The following SPIRE2 variants were observed in gnomAD, a reference collection of about 807,000 sequenced individuals.
SPIRE2 encodes the protein protein spire homolog 2.
SPIRE2 carries 76 observed loss-of-function variants against 80.7 expected under a neutral mutation model. The ratio of observed to expected loss-of-function variants is 0.94; its 90% CI spans 0.78 to 1.14. The LOEUF is 1.14. Among genes scored for constraint, SPIRE2 ranks in the 50% most tolerant of loss-of-function variants. The pLI is 0.00. For synonymous variants in SPIRE2, 535 were observed against 432.6 expected (o/e 1.24, Z -2.94); for missense variants, 1,196 against 1,015.3 (o/e 1.18, Z -2.42).
At chr16:89,855,993 T>C in intron 6 of SPIRE2, 120 bp from the exon 7 acceptor site, 1 of 1,487,754 alleles carries the variant, frequency 6.7e-7, no homozygotes, top group Non-Finnish European at 9.0e-7. Context: ...CTCTTCCGAC[T>C]CCAGAGTGGG....
At chr16:89,861,660 T>A (rs1251183099) in intron 10 of SPIRE2, among the ~76,000 whole-genome samples, 1 of 152,224 alleles carries the variant, frequency 6.6e-6, no homozygotes, top group East Asian at 1.9e-4. Flanking sequence ...TGTGTGGCCA[T>A]GGCTCAGGGT....
chr16:89,840,209 C>T (rs959318948), intron 1 of SPIRE2, among the ~76,000 whole-genome samples: 3 of 151,970 alleles, frequency 2.0e-5, no homozygotes, highest in Admixed American at 6.6e-5. Context: ...CAGCAAATGT[C>T]CCACAGACAT....
Position 89,854,642 on chromosome 16 carries a change from C to A in SPIRE2, c.882C>A (p.Arg294=). The change falls in exon 5 of 15, where the codon CGC becomes CGA. Residue 294 remains arginine (R), a synonymous_variant. Coordinates refer to ENST00000378247, the MANE Select transcript of SPIRE2 (RefSeq NM_032451.2). The part of the protein sequence containing the change: ...QDIRARNYKL[R]KVMVDGDIPP... ...TCCGGGCCCGGAACTACAAGCTGCG[C>A]AAGGTCATGGTGAGCGGGGCAGACG... 1 of 1,558,350 alleles carries A rather than the reference C, an allele frequency of 6.4e-7. No homozygotes were observed. Among genetic ancestry groups the A allele is most frequent in the South Asian group, 1.1e-5 (1 of 89,524 alleles).
At chr16:89,853,168 G>A (rs1247297763) in intron 3 of SPIRE2, among the ~76,000 whole-genome samples, 1 of 152,182 alleles carries the variant, frequency 6.6e-6, no homozygotes, top group African/African-American at 2.4e-5. Flanking sequence ...CTTACCCAGT[G>A]AAAGCTCTTT....
At chr16:89,842,229 T>TTTC (rs1299656862) in intron 1 of SPIRE2, among the ~76,000 whole-genome samples, 1 of 137,372 alleles carries the variant, frequency 7.3e-6, no homozygotes, top group African/African-American at 3.0e-5. Flanking sequence ...TTTTTTTTTT[T>TTTC]TGTGACGGAG....
intron 1 of SPIRE2, among the ~76,000 whole-genome samples, chr16:89,839,233 G>A (rs572749498): frequency 6.6e-5 from 10 of 152,182 alleles, no homozygotes; most frequent in Non-Finnish European, 1.2e-4. Context: ...AATTAGCTGG[G>A]CGTGGTGGCG....
At chr16:89,855,140 G>A (rs1238053161) in intron 5 of SPIRE2, among the ~76,000 whole-genome samples, 3 of 152,110 alleles carry the variant, frequency 2.0e-5, no homozygotes, top group South Asian at 2.1e-4. Flanking sequence ...GGGTTTCACT[G>A]TGTTAGCCAC....
intron 2 of SPIRE2, among the ~76,000 whole-genome samples, chr16:89,848,201 T>C (rs1243915117): frequency 1.3e-5 from 2 of 152,208 alleles, no homozygotes; most frequent in Non-Finnish European, 2.9e-5. Flanking sequence ...CTCAGATTCC[T>C]CTCTGGAGGT....
chr16:89,862,522 C>G (rs749655644), intron 10 of SPIRE2: 1 of 152,328 alleles, frequency 6.6e-6, no homozygotes, highest in Non-Finnish European at 1.5e-5. Context: ...GCAGGCGGCC[C>G]TTCTCTGTAC....
In SPIRE2 at chr16:89,869,053, A is replaced by AATAT. The variant is rs1555601129; in HGVS notation, c.1807-495_1807-492dup. Among the ~76,000 whole-genome samples the AATAT allele has an allele frequency of 1.6e-3, 38 of 24,020 alleles. 4 individuals carry two copies. Among genetic ancestry groups the AATAT allele is most frequent in the Non-Finnish European group, 2.6e-3 (34 of 13,240 alleles). The allele number at this position is 24,020 out of a possible 152,430, so 15.8% of individuals were successfully genotyped here. ...TCTTAAAAAAAAAAAAAAAAAAAAA[A>AATAT]ATATATATATATATATATATATGTT... On this transcript the variant is annotated intron_variant, in intron 13 of 14. Coordinates refer to ENST00000378247, the MANE Select transcript of SPIRE2 (RefSeq NM_032451.2).
chr16:89,837,270 C>T (rs983527255), intron 1 of SPIRE2, among the ~76,000 whole-genome samples: 2 of 152,044 alleles, frequency 1.3e-5, no homozygotes, highest in Non-Finnish European at 2.9e-5. Flanking sequence ...AGTGAGGCAC[C>T]CCACCCTCAG....
At chr16:89,855,725 GGCCTGGT>G (rs1185730772) in intron 6 of SPIRE2, 39 bp downstream of exon 6, 43 of 1,594,460 alleles carry the variant, frequency 2.7e-5, no homozygotes, top group Non-Finnish European at 3.7e-5. Context: ...GGCCGCCCGG[GGCCTGGT>G]GCTGTCCTGT....
intron 9 of SPIRE2, among the ~76,000 whole-genome samples, chr16:89,859,633 G>A (rs934033387): frequency 6.6e-6 from 1 of 152,158 alleles, no homozygotes; most frequent in Non-Finnish European, 1.5e-5. Flanking sequence ...TTGGGATATA[G>A]AAAGATAGCT....
chr16:89,864,329 C>T lies in SPIRE2; in HGVS notation c.1778+468C>T, dbSNP rs539145707. Among the ~76,000 whole-genome samples, 35 of 151,774 alleles carry T rather than the reference C, an allele frequency of 2.3e-4. No homozygotes were observed. The South Asian group carries it at 3.5e-3, about 15-fold the overall frequency. On this transcript the variant is annotated intron_variant, in intron 12 of 14. Coordinates refer to ENST00000378247, the MANE Select transcript of SPIRE2 (RefSeq NM_032451.2). ...TGTAGAACTCCAGAGGAGAGGGCTG[C>T]GCCGAGAAAGCCTCAGAGAAGGTCC... is the stretch of plus-strand genomic sequence containing the variant.
In SPIRE2 at chr16:89,845,332, C is replaced by G. The variant is rs2041548056; in HGVS notation, c.255C>G (p.Thr85=). The part of the protein sequence containing the change: ...AREPEAAEPA[T]MVVPLASSEA... ...CCTCTTCTCTTACAGAACCTGCAAC[C>G]ATGGTCGTGCCACTAGCCAGCTCGG... The change falls in exon 2 of 15, where the codon ACC becomes ACG. Residue 85 remains threonine, a synonymous_variant. Coordinates refer to ENST00000378247, the MANE Select transcript of SPIRE2 (RefSeq NM_032451.2). The G allele has an allele frequency of 6.2e-7, 1 of 1,614,168 alleles. No homozygotes were observed. Among genetic ancestry groups the G allele is most frequent in the African/African-American group, 1.3e-5 (1 of 75,048 alleles).
Position 89,870,081 on chromosome 16 carries a change from G to A in SPIRE2, c.1954G>A (p.Glu652Lys), listed in dbSNP as rs149488767. 1 of 1,613,410 alleles carries A rather than the reference G, an allele frequency of 6.2e-7. No individual in the cohort carries two copies. The highest frequency in any genetic ancestry group is 8.5e-7 in the Non-Finnish European group (1 of 1,179,916). ...SLQGPQWQSV[E>K]EAFPHIYSHG... ...GCAAGGGCCACAGTGGCAGAGCGTG[G>A]AGGAGGCGTTCCCCCACATCTACTC... Residue 652 changes from glutamate (E) to lysine (K), a missense_variant, in exon 15 of 15, where the codon GAG becomes AAG. Physicochemically the swap from Glu to Lys is moderately conservative, Grantham distance 56 (BLOSUM62 1). Transcript: ENST00000378247.
chr16:89,868,713 G>A (rs12446873), intron 13 of SPIRE2, among the ~76,000 whole-genome samples: 2 of 151,972 alleles, frequency 1.3e-5, no homozygotes, highest in Admixed American at 6.6e-5. Context: ...AAATTAGCTG[G>A]GCATGGTGGC....
chr16:89,853,234 C>T (rs988283796), intron 3 of SPIRE2, among the ~76,000 whole-genome samples: 2 of 152,210 alleles, frequency 1.3e-5, no homozygotes, highest in Non-Finnish European at 2.9e-5. Context: ...AACTCTTGGG[C>T]TCAAGTGATC....
intron 1 of SPIRE2, among the ~76,000 whole-genome samples, chr16:89,841,392 A>T (rs2041504099): frequency 6.6e-6 from 1 of 152,004 alleles, no homozygotes; most frequent in Admixed American, 6.6e-5. Flanking sequence ...CCTGGAGAGA[A>T]TTTTTTAGAT....
Sources: gnomAD v4.1 joint callset for allele counts (sites outside exome capture counted in the v4.1 genomes callset) on GRCh38, gnomAD v4.1.1 for gene constraint, MANE v1.5 for transcripts, NCBI Gene and HGNC (gene_info 2026-07-23, HGNC 2026-07-21) for gene names.